The following VCAN variants were observed in gnomAD, a reference collection of about 807,000 sequenced individuals.
The protein encoded by VCAN is versican core protein.
Under a neutral mutation model 245.5 loss-of-function variants are expected in VCAN, and 44 were observed. The observed-to-expected ratio is 0.18, with a 90% CI of 0.14 to 0.23. The LOEUF (loss-of-function observed/expected upper bound fraction) is 0.23. VCAN is among the 10% of genes least tolerant of loss of function. The pLI, the probability that VCAN is intolerant of heterozygous loss-of-function variation, is 1.00. For synonymous variants in VCAN, 1,413 were observed against 1,437.0 expected (o/e 0.98, Z 0.38); for missense variants, 3,793 against 4,057.9 (o/e 0.93, Z 1.77).
At position 83,540,373 on chromosome 5, in the gene VCAN, C is replaced by G; in HGVS notation, c.7370C>G (p.Thr2457Ser). ...CAGGCAACCAGACAAGAAAGCAGCACCACATTTGTTTCTGATGGGTCCCTG... is the reference window on the plus strand; with the variant it reads ...CAGGCAACCAGACAAGAAAGCAGCAGCACATTTGTTTCTGATGGGTCCCTG... ...TTQATRQESSTTFVSDGSLEK... is the reference protein window; with the variant it reads ...TTQATRQESSSTFVSDGSLEK... The change falls in exon 8 of 15, where the codon ACC becomes AGC. Residue 2457 changes from threonine to serine, a missense_variant. By Grantham distance (58) the Thr-to-Ser change is moderately conservative. Transcript: ENST00000265077. The G allele has an allele frequency of 1.2e-6, 2 of 1,614,016 alleles. No homozygotes were observed. Among genetic ancestry groups the G allele is most frequent in the Non-Finnish European group, 1.7e-6 (2 of 1,179,956 alleles).
chr5:83,566,792 C>G (rs924851936), intron 12 of VCAN, among the ~76,000 whole-genome samples: 6 of 152,166 alleles, frequency 3.9e-5, no homozygotes, highest in African/African-American at 1.2e-4. Context: ...TGAGTCTTCT[C>G]TTTTGTGTTA....
In VCAN at chr5:83,581,394, A is replaced by G. The variant is rs927225067; in HGVS notation, c.*960A>G. The G allele has an allele frequency of 1.3e-5, 2 of 151,578 alleles. No homozygotes were observed. The highest frequency in any genetic ancestry group is 2.9e-5 in the Non-Finnish European group (2 of 67,938). The allele number at this position is 151,578 out of a possible 1,614,324, so 9.4% of individuals were successfully genotyped here. ...ATCTTTTATAAAGTTTTGAATGTTCATGTATGAATGCTGCAGCTGTGAAGC... is the reference window on the plus strand; with the variant it reads ...ATCTTTTATAAAGTTTTGAATGTTCGTGTATGAATGCTGCAGCTGTGAAGC... On this transcript the variant is annotated 3_prime_UTR_variant, in exon 15 of 15. Transcript: ENST00000265077.
In VCAN at chr5:83,522,263, C is replaced by T. The variant is rs143393049; in HGVS notation, c.3957C>T (p.His1319=). 3.8e-6 allele frequency: 6 copies of T among 1,599,668 alleles called. No homozygotes were observed. The highest frequency in any genetic ancestry group is 5.1e-6 in the Non-Finnish European group (6 of 1,179,836). The change falls in exon 7 of 15, where the codon CAC becomes CAT. Residue 1319 remains histidine, a synonymous_variant. Coordinates refer to ENST00000265077, the MANE Select transcript of VCAN (RefSeq NM_004385.5). ...TPQPPASTKF[H]PDINVYIIEV... ...AGCCCCCAGCAAGCACAAAATTTCA[C>T]CCTGACATTAATGTTTATATTATTG...
At position 83,521,509 on chromosome 5, in the gene VCAN, G is replaced by C; in HGVS notation, c.3203G>C (p.Gly1068Ala). Residue 1068 changes from glycine (G) to alanine (A), a missense_variant, in exon 7 of 15, where the codon GGC becomes GCC. This residue lies in a region of VCAN where 3,182 missense variants were observed against 3,250.3 expected (regional missense o/e 0.98). Coordinates refer to ENST00000265077, the MANE Select transcript of VCAN (RefSeq NM_004385.5). Reference protein sequence around the residue: ...EAVTPLDEQEGDGSAYTVSED... With the variant: ...EAVTPLDEQEADGSAYTVSED... ...GTAACACCACTGGATGAACAAGAGG[G>C]CGATGGATCAGCATATACAGTCTCT... 6.2e-7 allele frequency: 1 copy of C among 1,614,048 alleles called. No individual in the cohort carries two copies. The highest frequency in any genetic ancestry group is 8.5e-7 in the Non-Finnish European group (1 of 1,180,008).
intron 13 of VCAN, among the ~76,000 whole-genome samples, chr5:83,576,892 G>A (rs796133814): frequency 1.1e-4 from 16 of 151,958 alleles, no homozygotes; most frequent in African/African-American, 3.9e-4. Flanking sequence ...CATATCTTTT[G>A]GTTATTTTTG....
At chr5:83,528,803 G>A (rs1478925173) in intron 7 of VCAN, among the ~76,000 whole-genome samples, 1 of 152,042 alleles carries the variant, frequency 6.6e-6, no homozygotes, top group African/African-American at 2.4e-5. Flanking sequence ...TTATAGAGCA[G>A]GTGCTCTAAG....
chr5:83,508,331 T>G (rs953793855), intron 5 of VCAN, among the ~76,000 whole-genome samples: 2 of 152,226 alleles, frequency 1.3e-5, no homozygotes, highest in Non-Finnish European at 2.9e-5. Context: ...AATATAGGTC[T>G]TTAGAACAGT....
At position 83,572,712 on chromosome 5, in the gene VCAN, C is replaced by T. The variant is rs557933715; in HGVS notation, c.9880+152C>T. 2.5e-5 allele frequency: 27 copies of T among 1,083,968 alleles called. No homozygotes were observed. The South Asian group carries it at 3.3e-4, about 13-fold the overall frequency. 67.1% of individuals were successfully genotyped at this position (1,083,968 alleles called of 1,614,324 possible). On this transcript the variant is annotated intron_variant, in intron 13 of 14. Coordinates refer to ENST00000265077, the MANE Select transcript of VCAN (RefSeq NM_004385.5). ...GTTGCTCTGGAATATTTCACTCTTC[C>T]AAAACAATTGAAAAGTTTGTTTTCA...
intron 5 of VCAN, among the ~76,000 whole-genome samples, chr5:83,509,081 AAG>A (rs1745568966): frequency 1.4e-5 from 2 of 142,164 alleles, no homozygotes; most frequent in African/African-American, 2.6e-5. Flanking sequence ...GAAAGAAAGA[AAG>A]AGAAAGAAAG....
intron 2 of VCAN, among the ~76,000 whole-genome samples, chr5:83,487,857 T>C (rs1388099575): frequency 1.3e-5 from 2 of 152,192 alleles, no homozygotes; most frequent in East Asian, 3.8e-4. Context: ...ATCTCATGTC[T>C]GTCCCTATAT....
At chr5:83,564,437 G>A (rs949217608) in intron 12 of VCAN, among the ~76,000 whole-genome samples, 1 of 152,160 alleles carries the variant, frequency 6.6e-6, no homozygotes, top group Non-Finnish European at 1.5e-5. Context: ...CTTAATTCTA[G>A]TATAAATTGC....
In VCAN at chr5:83,537,399, C is replaced by A. The variant is rs1746764866; in HGVS notation, c.4396C>A (p.Gln1466Lys). The A allele has an allele frequency of 6.2e-7, 1 of 1,613,898 alleles. No homozygotes were observed. Among genetic ancestry groups the A allele is most frequent in the Admixed American group, 1.7e-5 (1 of 59,952 alleles). ...CAAAACGGAATTGTCTACTGCTGTGCAACCTAATGAATCTACAGAAACAAC... is the reference window on the plus strand; with the variant it reads ...CAAAACGGAATTGTCTACTGCTGTGAAACCTAATGAATCTACAGAAACAAC... ...IAKTELSTAV[Q>K]PNESTETTES... The change falls in exon 8 of 15, where the codon CAA becomes AAA. Residue 1466 changes from glutamine to lysine, a missense_variant. By Grantham distance (53) the Gln-to-Lys change is moderately conservative. Transcript: ENST00000265077.
chr5:83,512,509 G>T (rs1003574950), intron 6 of VCAN, 113 bp downstream of exon 6: 2 of 1,304,136 alleles, frequency 1.5e-6, no homozygotes, highest in Admixed American at 4.4e-5. Context: ...GTGTGTGCAC[G>T]GAATGGAAAC....
chr5:83,549,599 T>G (rs1747381732), intron 10 of VCAN, among the ~76,000 whole-genome samples: 1 of 152,220 alleles, frequency 6.6e-6, no homozygotes, highest in African/African-American at 2.4e-5. Context: ...ATGCATTGAG[T>G]GGCAACAGAT....
Position 83,540,202 on chromosome 5 carries a change from A to T in VCAN, c.7199A>T (p.Asp2400Val). ...AACGAAACAACAACCTCATCTACTG[A>T]TTTTCTGGCTAGAGCTTATGGTTTT... ...EINETTTSSTDFLARAYGFEM... is the reference protein window; with the variant it reads ...EINETTTSSTVFLARAYGFEM... Residue 2400 changes from aspartate (D) to valine (V), a missense_variant, in exon 8 of 15, where the codon GAT (aspartate) becomes GTT (valine). Asp to Val is a radical substitution (Grantham distance 152, BLOSUM62 -3). Transcript: ENST00000265077. 6.2e-7 allele frequency: 1 copy of T among 1,613,986 alleles called. No individual in the cohort carries two copies.
intron 5 of VCAN, among the ~76,000 whole-genome samples, chr5:83,496,050 G>A (rs1320836155): frequency 1.3e-5 from 2 of 152,150 alleles, no homozygotes; most frequent in African/African-American, 4.8e-5. Context: ...AAATTTCAGG[G>A]CCTCTGCAAG....
In VCAN at chr5:83,521,255, G is replaced by C. The variant is rs184777650; in HGVS notation, c.2949G>C (p.Trp983Cys). Residue 983 changes from tryptophan to cysteine, a missense_variant, in exon 7 of 15, where the codon TGG (tryptophan) becomes TGC (cysteine). By Grantham distance (215) the Trp-to-Cys change is radical. This residue lies in a region of VCAN where 3,182 missense variants were observed against 3,250.3 expected (regional missense o/e 0.98). Coordinates refer to ENST00000265077, the MANE Select transcript of VCAN (RefSeq NM_004385.5). The stretch of plus-strand genomic sequence containing the variant: ...TTTCTGTAATTCCCAAGACAGACTG[G>C]GGAGTGTTAGTACCTTCTGTTCCAT... ...IPLSVIPKTD[W>C]GVLVPSVPSE... The C allele has an allele frequency of 6.2e-7, 1 of 1,614,062 alleles. No homozygotes were observed. Among genetic ancestry groups the C allele is most frequent in the East Asian group, 2.2e-5 (1 of 44,884 alleles).
chr5:83,576,622 A>G (rs889859629), intron 13 of VCAN, among the ~76,000 whole-genome samples: 1 of 152,122 alleles, frequency 6.6e-6, no homozygotes, highest in African/African-American at 2.4e-5. Flanking sequence ...TATATGTACC[A>G]TAAAATCTAC....
rs772684866 is a variant in VCAN, at chr5:83,519,701, C to G, written c.1395C>G (p.Gly465=). The change falls in exon 7 of 15, where the codon GGC becomes GGG. Residue 465 remains glycine (G), a synonymous_variant. Transcript: ENST00000265077. ...IKEEVLQSTT[G]VSHYATDSWD... ...AAGAAGTGCTCCAGAGTACAACTGG[C>G]GTCTCTCATTATGCTACGGATTCAT... 6.2e-7 allele frequency: 1 copy of G among 1,614,094 alleles called. No individual in the cohort carries two copies. The highest frequency in any genetic ancestry group is 8.5e-7 in the Non-Finnish European group (1 of 1,179,986).
Sources: allele counts gnomAD v4.1 joint callset (sites outside exome capture counted in the v4.1 genomes callset), GRCh38; gene constraint gnomAD v4.1.1; regional missense constraint gnomAD v4.1.1; transcripts MANE v1.5; gene names NCBI Gene and HGNC (gene_info 2026-07-23, HGNC 2026-07-21).